ACSF3: variants seen among roughly 807,000 people sequenced by gnomAD.
The protein encoded by ACSF3 is acyl-CoA synthetase family member 3.
ACSF3 carries 78 observed loss-of-function variants against 53.2 expected under a neutral mutation model. The observed-to-expected ratio is 1.47, with a 90% CI of 1.22 to 1.77. The LOEUF is 1.77. Ranked by LOEUF, ACSF3 falls within the 40% of genes most tolerant of loss-of-function variation. The pLI, the probability that ACSF3 is intolerant of heterozygous loss-of-function variation, is 0.00. For synonymous variants in ACSF3, 414 were observed against 333.1 expected (o/e 1.24, Z -2.65); for missense variants, 937 against 771.1 (o/e 1.22, Z -2.55).
At chr16:89,123,960 G>A (rs929156344) in intron 7 of ACSF3, among the ~76,000 whole-genome samples, 2 of 151,976 alleles carry the variant, frequency 1.3e-5, no homozygotes, top group East Asian at 1.9e-4. Flanking sequence ...GTGTGCACAC[G>A]GATAGCACAC....
intron 10 of ACSF3, chr16:89,148,313 TG>T (rs1913491625): frequency 6.6e-6 from 1 of 152,132 alleles, no homozygotes; most frequent in Admixed American, 6.6e-5. Flanking sequence ...TTGTCCAGGC[TG>T]GTCTCGAACT....
intron 10 of ACSF3, chr16:89,153,476 A>G (rs1267379126): frequency 8.6e-6 from 1 of 116,666 alleles, no homozygotes; most frequent in African/African-American, 3.3e-5. Flanking sequence ...CCCTGGCACC[A>G]CCCACCGAGT....
chr16:89,121,906 TCAGTGTCATTAAATGACACTGAAAGGTG>T (rs1906736189), intron 7 of ACSF3, among the ~76,000 whole-genome samples: 2 of 152,246 alleles, frequency 1.3e-5, no homozygotes, highest in African/African-American at 4.8e-5. Flanking sequence ...TGGGTGGCTT[TCAGTGTCATTAAATGACACTGAAAGGTG>T]CAGTGGCCGC....
At chr16:89,102,521 C>T in intron 3 of ACSF3, 83 bp from the exon 4 acceptor site, 1 of 1,549,422 alleles carries the variant, frequency 6.5e-7, no homozygotes, top group African/African-American at 1.4e-5. Flanking sequence ...CCCAGAGCTC[C>T]TTTCCGTGAG....
intron 1 of ACSF3, among the ~76,000 whole-genome samples, chr16:89,096,224 G>A (rs973932736): frequency 1.1e-5 from 1 of 90,278 alleles, no homozygotes; most frequent in Non-Finnish European, 2.7e-5. Flanking sequence ...CGTAGCAGGG[G>A]TATGAAGCTG....
intron 4 of ACSF3, among the ~76,000 whole-genome samples, chr16:89,105,919 G>T (rs7342792): frequency 1.3e-5 from 2 of 152,230 alleles, no homozygotes; most frequent in Non-Finnish European, 2.9e-5. Flanking sequence ...GCGCAGGCCA[G>T]CTGTCAAGGA....
chr16:89,154,985 C>T lies in ACSF3; in HGVS notation c.*778C>T, dbSNP rs1465695654. The T allele has an allele frequency of 2.2e-6, 1 of 454,160 alleles. No individual in the cohort carries two copies. Among genetic ancestry groups the T allele is most frequent in the African/African-American group, 2.0e-5 (1 of 50,118 alleles). 28.1% of individuals were successfully genotyped at this position (454,160 alleles called of 1,614,324 possible). A position where few individuals can be genotyped will look rare whatever the true frequency, so the allele number is the denominator to read the frequency against. ...ATCACCGTCTCCACCCAGACCCCCACCTGCCCCATGGCCCCCATTTCATGT... is the reference window on the plus strand; with the variant it reads ...ATCACCGTCTCCACCCAGACCCCCATCTGCCCCATGGCCCCCATTTCATGT... On this transcript the variant is annotated 3_prime_UTR_variant, in exon 11 of 11. Coordinates refer to ENST00000614302, the MANE Select transcript of ACSF3 (RefSeq NM_001243279.3).
intron 4 of ACSF3, among the ~76,000 whole-genome samples, chr16:89,103,857 G>C (rs2151420650): frequency 6.6e-6 from 1 of 152,360 alleles, no homozygotes; most frequent in Middle Eastern, 3.4e-3. Flanking sequence ...CAGAGCGCTG[G>C]GGTGGGAGCA....
chr16:89,112,618 C>G (rs1331042466), intron 5 of ACSF3, among the ~76,000 whole-genome samples: 2 of 152,070 alleles, frequency 1.3e-5, no homozygotes, highest in African/African-American at 4.8e-5. Flanking sequence ...CTGTCTCTCT[C>G]CATCGCTCTT....
intron 2 of ACSF3, 65 bp from the exon 3 acceptor site, chr16:89,100,597 C>A (rs1384858285): frequency 2.7e-6 from 4 of 1,474,388 alleles, no homozygotes; most frequent in East Asian, 2.3e-5. Context: ...TGTTTTAAAT[C>A]CTGTCTTGGC....
chr16:89,143,493 G>A (rs1445053750), intron 8 of ACSF3, among the ~76,000 whole-genome samples: 2 of 152,080 alleles, frequency 1.3e-5, no homozygotes, highest in Middle Eastern at 3.2e-3. Flanking sequence ...TGTGGCATCC[G>A]TGGGGCAGGA....
At chr16:89,109,347 G>A (rs1976411587) in intron 4 of ACSF3, among the ~76,000 whole-genome samples, 1 of 147,934 alleles carries the variant, frequency 6.8e-6, no homozygotes, top group South Asian at 2.1e-4. Flanking sequence ...TTTACGTCCT[G>A]CCAACACTTG....
At chr16:89,152,050 C>T (rs1420578940) in intron 10 of ACSF3, 1 of 152,274 alleles carries the variant, frequency 6.6e-6, no homozygotes, top group East Asian at 1.9e-4. Context: ...GAGGGAGTCT[C>T]TCAAAAGCTA....
At chr16:89,132,298 T>C (rs1909500324) in intron 7 of ACSF3, among the ~76,000 whole-genome samples, 2 of 152,322 alleles carry the variant, frequency 1.3e-5, no homozygotes, top group African/African-American at 4.8e-5. Flanking sequence ...GTGAGGGTCG[T>C]GGAGCTGGCA....
intron 1 of ACSF3, among the ~76,000 whole-genome samples, chr16:89,096,219 C>T (rs907940634): frequency 8.5e-6 from 1 of 117,944 alleles, no homozygotes; most frequent in Non-Finnish European, 1.9e-5. Context: ...TGCTGCGTAG[C>T]AGGGGTATGA....
At chr16:89,145,822 A>C (rs750172260) in intron 9 of ACSF3, 116 bp from the exon 10 acceptor site, 5 of 926,742 alleles carry the variant, frequency 5.4e-6, no homozygotes, top group Non-Finnish European at 9.0e-6. Context: ...GGCCTGTCCA[A>C]GGACGGGCTC....
chr16:89,150,694 G>A (rs926611685), intron 10 of ACSF3: 3 of 315,242 alleles, frequency 9.5e-6, no homozygotes, highest in Non-Finnish European at 1.9e-5. Flanking sequence ...ACTGGGCAGG[G>A]AAGGCCACCA....
chr16:89,111,318 A>C (rs1976650209), intron 4 of ACSF3, among the ~76,000 whole-genome samples: 1 of 152,106 alleles, frequency 6.6e-6, no homozygotes, highest in African/African-American at 2.4e-5. Flanking sequence ...GCGGTGAGGC[A>C]CTCGTCACTG....
chr16:89,102,438 C>T (rs777550478), intron 3 of ACSF3, 166 bp from the exon 4 acceptor site: 13 of 759,222 alleles, frequency 1.7e-5, no homozygotes, highest in South Asian at 3.1e-5. Flanking sequence ...GTGGTTTTGT[C>T]GTCATCTTGA....
Sources: gnomAD v4.1 joint callset for allele counts (sites outside exome capture counted in the v4.1 genomes callset) on GRCh38, gnomAD v4.1.1 for gene constraint, MANE v1.5 for transcripts, NCBI Gene and HGNC (gene_info 2026-07-23, HGNC 2026-07-21) for gene names.